SERPINB7: variants seen among roughly 807,000 people sequenced by gnomAD.
SERPINB7 encodes the protein serpin family B member 7.
In SERPINB7, 31 loss-of-function variants were observed where a neutral mutation model predicts 37.4. The ratio of observed to expected loss-of-function variants is 0.83; its 90% CI spans 0.62 to 1.12. SERPINB7 has a LOEUF of 1.12. Among genes scored for constraint, SERPINB7 ranks in the 50% most tolerant of loss-of-function variants. The probability of loss-of-function intolerance (pLI) is 0.00; values close to 1 mark genes in which losing one functional copy is unlikely to be tolerated. For missense variants in SERPINB7, 521 were observed against 455.3 expected, an observed-to-expected ratio of 1.14 and a Z score of -1.31; for synonymous variants, 163 against 166.1, an observed-to-expected ratio of 0.98 and a Z score of 0.14.
intron 2 of SERPINB7, among the ~76,000 whole-genome samples, chr18:63,788,835 C>A (rs572164080): frequency 6.6e-6 from 1 of 152,326 alleles, no homozygotes; most frequent in East Asian, 1.9e-4. Context: ...CAGTAACATG[C>A]TATACAGGTT....
chr18:63,794,396 C>G (rs1361386449), intron 4 of SERPINB7, among the ~76,000 whole-genome samples: 2 of 151,966 alleles, frequency 1.3e-5, no homozygotes, highest in Non-Finnish European at 2.9e-5. Flanking sequence ...AGGCCATGGA[C>G]TACTTAAAAC....
chr18:63,770,873 G>GCACACACACACACACA (rs10634962), upstream of SERPINB7, among the ~76,000 whole-genome samples: 51 of 148,934 alleles, frequency 3.4e-4, no homozygotes, highest in Middle Eastern at 3.4e-3. Context: ...GTCTGCACAT[G>GCACACACACACACACA]CACACACACA....
intron 1 of SERPINB7, among the ~76,000 whole-genome samples, chr18:63,780,961 A>G (rs1208060268): frequency 6.6e-6 from 1 of 152,210 alleles, no homozygotes; most frequent in Non-Finnish European, 1.5e-5. Context: ...GCTTCAACTC[A>G]TTGAACGTCT....
At chr18:63,786,318 A>T (rs1474046008) in intron 2 of SERPINB7, among the ~76,000 whole-genome samples, 2 of 149,932 alleles carry the variant, frequency 1.3e-5, no homozygotes, top group East Asian at 3.9e-4. Context: ...TGGATTATAT[A>T]TGTATGAGAG....
intron 2 of SERPINB7, among the ~76,000 whole-genome samples, chr18:63,789,412 G>A (rs995653862): frequency 2.0e-5 from 3 of 152,180 alleles, no homozygotes; most frequent in African/African-American, 7.2e-5. Context: ...TAATGATGTA[G>A]TCCAAAGTAT....
At chr18:63,797,459 T>C (rs1224069093) in intron 5 of SERPINB7, among the ~76,000 whole-genome samples, 1 of 152,204 alleles carries the variant, frequency 6.6e-6, no homozygotes, top group Non-Finnish European at 1.5e-5. Flanking sequence ...CTAGGTGGGA[T>C]TCTATTTAAT....
upstream of SERPINB7, among the ~76,000 whole-genome samples, chr18:63,775,217 C>A (rs1230267846): frequency 6.6e-6 from 1 of 152,058 alleles, no homozygotes; most frequent in Non-Finnish European, 1.5e-5. Flanking sequence ...ATGTTAAAAC[C>A]ATTGTCATTA....
chr18:63,763,658 C>T (rs1448347767), intron 1 of SERPINB7, among the ~76,000 whole-genome samples: 2 of 152,086 alleles, frequency 1.3e-5, no homozygotes, highest in African/African-American at 2.4e-5. Context: ...CAAAGAGTAC[C>T]TTAAATAATA....
upstream of SERPINB7, among the ~76,000 whole-genome samples, chr18:63,770,944 A>G (rs1403067887): frequency 6.7e-6 from 1 of 149,106 alleles, no homozygotes; most frequent in Non-Finnish European, 1.5e-5. Context: ...AATTTTATTC[A>G]TCTTCGTTGG....
At chr18:63,756,954 C>T (rs1001367125) in intron 1 of SERPINB7, among the ~76,000 whole-genome samples, 1 of 152,100 alleles carries the variant, frequency 6.6e-6, no homozygotes, top group African/African-American at 2.4e-5. Flanking sequence ...TTTCCTATTT[C>T]AATCGCTATC....
chr18:63,762,118 G>A (rs1039022122), intron 1 of SERPINB7, among the ~76,000 whole-genome samples: 1 of 152,188 alleles, frequency 6.6e-6, no homozygotes. Flanking sequence ...GTGGGACCAT[G>A]GAGGGCAAGA....
chr18:63,754,565 G>T (rs1283029827), intron 1 of SERPINB7, among the ~76,000 whole-genome samples: 1 of 152,140 alleles, frequency 6.6e-6, no homozygotes, highest in Non-Finnish European at 1.5e-5. Context: ...AGTCATTAGG[G>T]TGGTCCCGAG....
chr18:63,794,286 A>G (rs2049462080), intron 4 of SERPINB7, among the ~76,000 whole-genome samples: 1 of 151,844 alleles, frequency 6.6e-6, no homozygotes, highest in Non-Finnish European at 1.5e-5. Flanking sequence ...GTGGTAGAGA[A>G]TAGCAACATC....
intron 1 of SERPINB7, among the ~76,000 whole-genome samples, chr18:63,766,257 C>T (rs991642297): frequency 6.6e-6 from 1 of 152,132 alleles, no homozygotes; most frequent in African/African-American, 2.4e-5. Context: ...AATGGCTTCT[C>T]CCGTTTCCCA....
intron 1 of SERPINB7, among the ~76,000 whole-genome samples, chr18:63,763,744 A>C (rs1011355794): frequency 1.3e-5 from 2 of 152,220 alleles, no homozygotes; most frequent in Non-Finnish European, 2.9e-5. Context: ...GGGTTTAATA[A>C]GGCAGAAATT....
At chr18:63,782,701 A>G (rs531627270) in intron 2 of SERPINB7, among the ~76,000 whole-genome samples, 161 bp downstream of exon 2, 11 of 152,354 alleles carry the variant, frequency 7.2e-5, no homozygotes, top group Admixed American at 7.2e-4. Context: ...AAGAAAGCAC[A>G]CAGCTTGCAG....
chr18:63,759,526 T>C (rs1034934688), intron 1 of SERPINB7, among the ~76,000 whole-genome samples: 1 of 152,150 alleles, frequency 6.6e-6, no homozygotes, highest in Non-Finnish European at 1.5e-5. Flanking sequence ...TTATTATTTT[T>C]TTCTTTCTAT....
intron 1 of SERPINB7, among the ~76,000 whole-genome samples, chr18:63,753,804 G>T (rs1050607470): frequency 6.6e-6 from 1 of 152,128 alleles, no homozygotes; most frequent in African/African-American, 2.4e-5. Flanking sequence ...AGTAATATGA[G>T]GCACTTTTGA....
chr18:63,767,051 T>A (rs1026469233), intron 1 of SERPINB7, among the ~76,000 whole-genome samples: 4 of 152,162 alleles, frequency 2.6e-5, no homozygotes, highest in African/African-American at 4.8e-5. Flanking sequence ...AGCCTTCTCC[T>A]GTCCTATGCT....
Sources: gnomAD v4.1 joint callset for allele counts (sites outside exome capture counted in the v4.1 genomes callset) on GRCh38, gnomAD v4.1.1 for gene constraint, MANE v1.5 for transcripts, NCBI Gene and HGNC (gene_info 2026-07-23, HGNC 2026-07-21) for gene names.